The following CLK4 variants were observed in gnomAD, a reference collection of about 807,000 sequenced individuals.
The protein encoded by CLK4 is CDC like kinase 4.
In CLK4, 37 loss-of-function variants were observed where a neutral mutation model predicts 64.4. The ratio of observed to expected loss-of-function variants is 0.57; its 90% CI spans 0.44 to 0.76. CLK4 has a LOEUF of 0.76. CLK4 is among the 30% of genes least tolerant of loss of function. CLK4 has a pLI of 0.00. For synonymous variants in CLK4, 175 were observed against 191.6 expected (o/e 0.91, Z 0.72); for missense variants, 457 against 605.1 (o/e 0.76, Z 2.57).
chr5:178,610,248 C>T (rs1293770411), intron 9 of CLK4, among the ~76,000 whole-genome samples: 4 of 152,024 alleles, frequency 2.6e-5, no homozygotes, highest in Admixed American at 2.6e-4. Context: ...CGAGATCGTG[C>T]CACTGCAGTC....
At chr5:178,608,944 A>G (rs1410958660) in intron 9 of CLK4, among the ~76,000 whole-genome samples, 1 of 152,240 alleles carries the variant, frequency 6.6e-6, no homozygotes, top group Non-Finnish European at 1.5e-5. Flanking sequence ...TAAGAGAAAT[A>G]TTACCGTTTT....
chr5:178,625,382 G>A lies in CLK4; in HGVS notation c.-1+1564C>T, dbSNP rs533672284. Among the ~76,000 whole-genome samples the A allele has an allele frequency of 2.4e-3, 345 of 145,038 alleles. 2 individuals carry two copies. The highest frequency in any genetic ancestry group is 8.3e-3 in the African/African-American group (323 of 39,116). ...CAAGGCTGCAGTGAGCCATGATCAC[G>A]CCATTGCATACCAGTATGGGCGACA... On this transcript the variant is annotated intron_variant, in intron 1 of 12. Transcript: ENST00000316308.
chr5:178,620,213 G>C (rs1037076920), intron 2 of CLK4: 1 of 268,470 alleles, frequency 3.7e-6, no homozygotes, highest in Admixed American at 4.3e-5. Flanking sequence ...GGGTAGTCTA[G>C]GTCAGATATC....
Position 178,617,196 on chromosome 5 carries a change from G to T in CLK4, c.475+148C>A. 1.5e-6 allele frequency: 1 copy of T among 674,266 alleles called. No homozygotes were observed. The allele number at this position is 674,266 out of a possible 1,614,324, so 41.8% of individuals were successfully genotyped here. On this transcript the variant is annotated intron_variant, in intron 4 of 12. Transcript: ENST00000316308. The surrounding 1 kb of genome is among the most constrained non-coding windows in gnomAD (Gnocchi z 5.2). ...AGAATAGAAATATTTAAATTCTACA[G>T]AAAAGAAGAAATATAAAAGAACAAA...
At chr5:178,624,730 C>A (rs1256308272) in intron 1 of CLK4, among the ~76,000 whole-genome samples, 1 of 152,102 alleles carries the variant, frequency 6.6e-6, no homozygotes, top group African/African-American at 2.4e-5. Context: ...TGGAGTAAAA[C>A]CCACTCAGTT....
rs1030053031 is a variant in CLK4, at chr5:178,617,311, A to G, written c.475+33T>C. 6.6e-7 allele frequency: 1 copy of G among 1,521,964 alleles called. No homozygotes were observed. The highest frequency in any genetic ancestry group is 9.1e-7 in the Non-Finnish European group (1 of 1,096,092). The allele number at this position is 1,521,964 out of a possible 1,614,324, so 94.3% of individuals were successfully genotyped here. ...TTCTTAAAAAGATTATTCTTTCTGC[A>G]AAGTTTAAAAAGTGTTGAAAAATAT... On this transcript the variant is annotated intron_variant, in intron 4 of 12. Transcript: ENST00000316308. This position sits in a 1 kb window ranked among gnomAD's most constrained non-coding sequence, Gnocchi z 5.2.
chr5:178,610,751 T>C (rs1764544985), intron 9 of CLK4, among the ~76,000 whole-genome samples: 2 of 151,454 alleles, frequency 1.3e-5, no homozygotes, highest in South Asian at 4.2e-4. Flanking sequence ...GCCCTGTCTC[T>C]GTTATAAAAA....
At position 178,617,397 on chromosome 5, in the gene CLK4, T is replaced by C. The variant is rs1443276455; in HGVS notation, c.422A>G (p.Asp141Gly). ...HRRKRSRSIE[D>G]DEEGHLICQS... ...ACAGATCAGGTGACCCTCCTCATCA[T>C]CCTCTATACTCCTGGATCTTTTCCT... The change falls in exon 4 of 13, where the codon GAT becomes GGT. Residue 141 changes from aspartate (D) to glycine (G), a missense_variant. Asp to Gly is a moderately conservative substitution (Grantham distance 94). Transcript: ENST00000316308. This position sits in a 1 kb window ranked among gnomAD's most constrained non-coding sequence, Gnocchi z 5.2. 3 of 1,613,946 alleles carry C rather than the reference T, an allele frequency of 1.9e-6. No individual in the cohort carries two copies. The highest frequency in any genetic ancestry group is 2.5e-6 in the Non-Finnish European group (3 of 1,179,946).
Position 178,609,777 on chromosome 5 carries a change from T to C in CLK4, c.1052-1319A>G, listed in dbSNP as rs1052307866. Among the ~76,000 whole-genome samples the C allele has an allele frequency of 9.4e-5, 14 of 148,898 alleles. No homozygotes were observed. The South Asian group carries it at 2.3e-3, about 25-fold the overall frequency. ...TATATAAATTAGTTGGGTGTGGTGG[T>C]GTGCACTTGTAATCCCAGCTACTCA... On this transcript the variant is annotated intron_variant, in intron 9 of 12. Transcript: ENST00000316308.
chr5:178,612,746 A>T, intron 8 of CLK4, 50 bp downstream of exon 8: 1 of 1,173,456 alleles, frequency 8.5e-7, no homozygotes, highest in Non-Finnish European at 1.2e-6. Flanking sequence ...TCATCAAGTT[A>T]AATTAATTTT....
intron 9 of CLK4, among the ~76,000 whole-genome samples, chr5:178,610,100 C>A (rs1308505387): frequency 1.3e-5 from 2 of 151,264 alleles, no homozygotes; most frequent in East Asian, 2.0e-4. Context: ...ACCAGCCTGG[C>A]CAATGTGGTG....
chr5:178,623,560 C>T, intron 1 of CLK4, 144 bp from the exon 2 acceptor site: 1 of 535,154 alleles, frequency 1.9e-6, no homozygotes. Context: ...TAATGCTTCC[C>T]AAGGCACTGG....
intron 1 of CLK4, among the ~76,000 whole-genome samples, chr5:178,624,059 G>C (rs1359712514): frequency 1.3e-5 from 2 of 152,206 alleles, no homozygotes; most frequent in African/African-American, 2.4e-5. Context: ...GCTATTCAAT[G>C]ATGAAGCTTC....
chr5:178,616,958 G>T lies in CLK4; in HGVS notation c.476-10C>A, dbSNP rs1764636289. 1 of 1,607,710 alleles carries T rather than the reference G, an allele frequency of 6.2e-7. No homozygotes were observed. Among genetic ancestry groups the T allele is most frequent in the South Asian group, 1.1e-5 (1 of 90,864 alleles). ...GTGTCCACGATTTCATCTAGAGTGA[G>T]GAGGGAAAAAGAGGTGTAAGTACCT... is the stretch of plus-strand genomic sequence containing the variant. On this transcript the variant is annotated splice_polypyrimidine_tract_variant and intron_variant, in intron 4 of 12. Coordinates refer to ENST00000316308, the MANE Select transcript of CLK4 (RefSeq NM_020666.3).
Position 178,617,521 on chromosome 5 carries a change from C to T in CLK4, c.385-87G>A, listed in dbSNP as rs1348728349. The stretch of plus-strand genomic sequence containing the variant: ...AGGGCAGAATACGCAATTCATTCAG[C>T]GGGGAGATATTCAGGCATTCAGATA... On this transcript the variant is annotated intron_variant, in intron 3 of 12. Coordinates refer to ENST00000316308, the MANE Select transcript of CLK4 (RefSeq NM_020666.3). This position sits in a 1 kb window ranked among gnomAD's most constrained non-coding sequence, Gnocchi z 5.2. The T allele has an allele frequency of 5.5e-6, 7 of 1,281,046 alleles. No homozygotes were observed. The highest frequency in any genetic ancestry group is 2.8e-5 in the South Asian group (2 of 71,932). 79.4% of individuals were successfully genotyped at this position (1,281,046 alleles called of 1,614,324 possible).
intron 2 of CLK4, chr5:178,620,040 G>A (rs1314489300): frequency 5.5e-6 from 2 of 360,656 alleles, no homozygotes; most frequent in South Asian, 2.0e-5. Context: ...TTTTCCCAGG[G>A]GGCTGGTTTA....
Position 178,623,280 on chromosome 5 carries a change from T to C in CLK4, c.137A>G (p.His46Arg), listed in dbSNP as rs769234409. Residue 46 changes from histidine (H) to arginine (R), a missense_variant, in exon 2 of 13, where the codon CAT becomes CGT. Physicochemically the swap from His to Arg is conservative, Grantham distance 29. Coordinates refer to ENST00000316308, the MANE Select transcript of CLK4 (RefSeq NM_020666.3). ...CCAATCAGATTCTTTAAACTGGTGA[T>C]GTGGTTTACAATGCCTGTTCTCTTG... is the stretch of plus-strand genomic sequence containing the variant. ...STQENRHCKP[H>R]HQFKESDCHY... is the part of the protein sequence containing the mutation. The C allele has an allele frequency of 1.9e-6, 3 of 1,613,912 alleles. No homozygotes were observed. The highest frequency in any genetic ancestry group is 3.3e-5 in the Admixed American group (2 of 59,988).
intron 10 of CLK4, among the ~76,000 whole-genome samples, chr5:178,607,116 G>C (rs980195649): frequency 9.4e-5 from 14 of 148,352 alleles, no homozygotes; most frequent in African/African-American, 3.5e-4. Context: ...TTACATAAAA[G>C]AGACATTAAA....
rs115967514 is a variant in CLK4, at chr5:178,611,264, C to G, written c.1051+1152G>C. ...CTGAAAATACCTCTCTGTCCACTAT[C>G]TCTTCCCATATTGCTTTCTTTTACC... On this transcript the variant is annotated intron_variant, in intron 9 of 12. Transcript: ENST00000316308. 3.4e-3 allele frequency among the ~76,000 whole-genome samples: 517 copies of G among 152,286 alleles called. 1 individual carries two copies. Among genetic ancestry groups the G allele is most frequent in the African/African-American group, 0.011 (466 of 41,556 alleles).
Sources: gnomAD v4.1 joint callset for allele counts (sites outside exome capture counted in the v4.1 genomes callset) on GRCh38, gnomAD v4.1.1 for gene constraint, Gnocchi (gnomAD v3.1) non-coding constraint, MANE v1.5 for transcripts, NCBI Gene and HGNC (gene_info 2026-07-23, HGNC 2026-07-21) for gene names.